Variants in ATOSA observed in about 807,000 individuals in gnomAD.
The protein encoded by ATOSA is atos homolog A.
At chr15:52,594,462 T>C in the ATOSA span, among the ~76,000 whole-genome samples, 2,549 of 152,304 alleles carry the variant, frequency 0.017, 65 homozygotes, top group African/African-American at 0.053. Context: ...CACATATATG[T>C]ATACATCATG....
chr15:52,700,095 T>C, the ATOSA span, among the ~76,000 whole-genome samples: 4 of 152,186 alleles, frequency 2.6e-5, no homozygotes, highest in South Asian at 8.3e-4. Flanking sequence ...AGATTGACCA[T>C]CAGTGGAGGA....
At chr15:52,609,602 C>G in the ATOSA span, 6 of 1,612,844 alleles carry the variant, frequency 3.7e-6, no homozygotes, top group African/African-American at 8.0e-5. Context: ...TTGGTGTCTT[C>G]TGGGGAACTA....
At chr15:52,647,102 T>C in the ATOSA span, among the ~76,000 whole-genome samples, 10 of 152,166 alleles carry the variant, frequency 6.6e-5, no homozygotes, top group Admixed American at 5.9e-4. Context: ...AGCTAATTGG[T>C]TAATATTACT....
At chr15:52,651,940 G>A in the ATOSA span, 6 of 1,535,128 alleles carry the variant, frequency 3.9e-6, no homozygotes, top group Non-Finnish European at 5.2e-6. Context: ...GTTGCCTTCT[G>A]GCTATCAATA....
chr15:52,595,688 T>G, the ATOSA span, among the ~76,000 whole-genome samples: 1 of 152,232 alleles, frequency 6.6e-6, no homozygotes, highest in African/African-American at 2.4e-5. Context: ...CACTGGCGAT[T>G]TTTTGTAGAT....
At chr15:52,594,034 G>A in the ATOSA span, among the ~76,000 whole-genome samples, 2 of 152,036 alleles carry the variant, frequency 1.3e-5, no homozygotes, top group African/African-American at 4.8e-5. Context: ...CATTAGTTAG[G>A]CCTAATTGTT....
the ATOSA span, among the ~76,000 whole-genome samples, chr15:52,644,214 C>A: frequency 1.3e-5 from 2 of 151,924 alleles, no homozygotes; most frequent in African/African-American, 4.8e-5. Flanking sequence ...TGAGTCACTG[C>A]GCCTGGCCTA....
At chr15:52,638,363 G>C in the ATOSA span, among the ~76,000 whole-genome samples, 1 of 152,086 alleles carries the variant, frequency 6.6e-6, no homozygotes, top group South Asian at 2.1e-4. Flanking sequence ...TATTCACCAA[G>C]AGTGAACCCT....
chr15:52,651,726 T>C, the ATOSA span: 1 of 785,746 alleles, frequency 1.3e-6, no homozygotes, highest in Non-Finnish European at 2.0e-6. Flanking sequence ...ATTCTCTAAG[T>C]TCAATGGTTT....
the ATOSA span, among the ~76,000 whole-genome samples, chr15:52,653,751 T>A: frequency 6.6e-6 from 1 of 152,236 alleles, no homozygotes; most frequent in African/African-American, 2.4e-5. Flanking sequence ...GTAGAAAGAC[T>A]GTTTACAAAA....
the ATOSA span, among the ~76,000 whole-genome samples, chr15:52,635,735 C>T: frequency 3.9e-5 from 6 of 152,204 alleles, no homozygotes; most frequent in Non-Finnish European, 7.4e-5. Context: ...CAGTGGCTCA[C>T]GCCTGTAATC....
At chr15:52,705,162 T>C in the ATOSA span, among the ~76,000 whole-genome samples, 42 of 152,256 alleles carry the variant, frequency 2.8e-4, no homozygotes, top group African/African-American at 9.6e-4. Context: ...CACCATGGAA[T>C]ACTATGCAGC....
At chr15:52,608,851 G>C in the ATOSA span, 1 of 1,609,092 alleles carries the variant, frequency 6.2e-7, no homozygotes, top group South Asian at 1.1e-5. Flanking sequence ...TTCCAACACA[G>C]TAACTTTTAT....
the ATOSA span, among the ~76,000 whole-genome samples, chr15:52,671,242 A>G: frequency 5.3e-5 from 8 of 152,234 alleles, no homozygotes; most frequent in Non-Finnish European, 8.8e-5. Flanking sequence ...CCTTTATTTA[A>G]GTTATGGATA....
the ATOSA span, among the ~76,000 whole-genome samples, chr15:52,708,529 GC>G: frequency 1.3e-5 from 2 of 152,112 alleles, no homozygotes; most frequent in African/African-American, 4.8e-5. Context: ...CTGAATTAAG[GC>G]ACTCTCTATT....
At chr15:52,676,193 G>C in the ATOSA span, among the ~76,000 whole-genome samples, 1 of 151,984 alleles carries the variant, frequency 6.6e-6, no homozygotes, top group Admixed American at 6.6e-5. Flanking sequence ...CGTTTAAAAA[G>C]TTTCAATTAT....
chr15:52,657,842 A>G, the ATOSA span: 1 of 152,248 alleles, frequency 6.6e-6, no homozygotes, highest in Non-Finnish European at 1.5e-5. Flanking sequence ...AAGAGTTGAG[A>G]CTATAATTTT....
the ATOSA span, among the ~76,000 whole-genome samples, chr15:52,598,107 G>C: frequency 1.8e-3 from 273 of 152,220 alleles, 1 homozygote; most frequent in East Asian, 0.025. Context: ...CTGGGGAACA[G>C]AGTGAGACTC....
At chr15:52,665,990 T>TA in the ATOSA span, among the ~76,000 whole-genome samples, 19 of 152,290 alleles carry the variant, frequency 1.2e-4, no homozygotes, top group South Asian at 1.9e-3. Context: ...AATATACTAT[T>TA]AATATGTACG....
Sources: allele counts gnomAD v4.1 joint callset (sites outside exome capture counted in the v4.1 genomes callset), GRCh38; gene constraint gnomAD v4.1.1; transcripts MANE v1.5; gene names NCBI Gene and HGNC (gene_info 2026-07-23, HGNC 2026-07-21).